DLG2: variants seen among roughly 807,000 people sequenced by gnomAD.
DLG2 encodes the protein disks large homolog 2.
In DLG2, 45 loss-of-function variants were observed where a neutral mutation model predicts 132.5. The observed-to-expected ratio is 0.34, with a 90% CI of 0.27 to 0.44. The LOEUF is 0.44. Among genes scored for constraint, DLG2 ranks in the 20% least tolerant of loss-of-function variants. The probability of loss-of-function intolerance (pLI) is 1.00; values close to 1 mark genes in which losing one functional copy is unlikely to be tolerated. For synonymous variants in DLG2, 424 were observed against 419.6 expected (o/e 1.01, Z -0.13); for missense variants, 1,045 against 1,196.9 (o/e 0.87, Z 1.87).
chr11:84,719,323 G>C (rs1419752350), intron 6 of DLG2, among the ~76,000 whole-genome samples: 1 of 152,184 alleles, frequency 6.6e-6, no homozygotes, highest in African/African-American at 2.4e-5. Flanking sequence ...TCAAACTTCA[G>C]TTATTTCAGA....
At chr11:85,389,006 C>T (rs1285909717) in intron 3 of DLG2, among the ~76,000 whole-genome samples, 4 of 152,036 alleles carry the variant, frequency 2.6e-5, no homozygotes, top group Non-Finnish European at 4.4e-5. Flanking sequence ...GATGAAGTTT[C>T]TGAATTGCCA....
intron 6 of DLG2, among the ~76,000 whole-genome samples, chr11:84,902,232 G>T (rs1287702049): frequency 6.6e-6 from 1 of 152,102 alleles, no homozygotes; most frequent in Non-Finnish European, 1.5e-5. Context: ...TTCCCAGATG[G>T]CAAATCCATG....
At chr11:84,452,956 G>T (rs1022647459) in intron 7 of DLG2, among the ~76,000 whole-genome samples, 1 of 151,342 alleles carries the variant, frequency 6.6e-6, no homozygotes, top group Admixed American at 6.6e-5. Context: ...AAAAAATACA[G>T]AAAAGATAAA....
chr11:83,482,693 A>G (rs1427619946), intron 22 of DLG2, among the ~76,000 whole-genome samples: 3 of 152,146 alleles, frequency 2.0e-5, no homozygotes, highest in African/African-American at 7.2e-5. Flanking sequence ...CAAAGTTAAT[A>G]ACAAATAAAT....
chr11:85,075,938 T>C (rs1319334987), intron 6 of DLG2, among the ~76,000 whole-genome samples: 4 of 151,896 alleles, frequency 2.6e-5, no homozygotes, highest in African/African-American at 7.2e-5. Flanking sequence ...ATAAAAATTA[T>C]ACAAGGGGGA....
chr11:83,687,656 C>T (rs2080057097), intron 18 of DLG2, among the ~76,000 whole-genome samples: 1 of 151,660 alleles, frequency 6.6e-6, no homozygotes, highest in Admixed American at 6.6e-5. Flanking sequence ...TTTTTAATGT[C>T]TTTCATTTTA....
intron 3 of DLG2, among the ~76,000 whole-genome samples, chr11:85,349,082 C>A (rs1764492940): frequency 6.6e-6 from 1 of 152,150 alleles, no homozygotes; most frequent in Admixed American, 6.5e-5. Flanking sequence ...GGTGGTTGGA[C>A]ATGCCTCTTT....
At chr11:85,362,891 A>G (rs975009699) in intron 3 of DLG2, among the ~76,000 whole-genome samples, 2 of 152,190 alleles carry the variant, frequency 1.3e-5, no homozygotes, top group African/African-American at 4.8e-5. Flanking sequence ...GCCTTTAATA[A>G]AAGCAAAATT....
At chr11:84,031,304 G>A (rs1036904906) in intron 11 of DLG2, among the ~76,000 whole-genome samples, 13 of 151,456 alleles carry the variant, frequency 8.6e-5, no homozygotes, top group Non-Finnish European at 1.9e-4. Context: ...TCCCTTCTCT[G>A]TTGTAGATTT....
chr11:84,047,480 T>A (rs999725129), intron 11 of DLG2, among the ~76,000 whole-genome samples: 48 of 151,748 alleles, frequency 3.2e-4, no homozygotes, highest in African/African-American at 1.1e-3. Context: ...TAGTTGTATT[T>A]ACCACAGCAG....
At chr11:83,489,011 A>G (rs906037429) in intron 21 of DLG2, among the ~76,000 whole-genome samples, 3 of 152,066 alleles carry the variant, frequency 2.0e-5, no homozygotes, top group African/African-American at 7.2e-5. Flanking sequence ...GTGTGTCTAT[A>G]ACATTGCCTA....
At chr11:85,165,692 A>G (rs1227943879) in intron 4 of DLG2, among the ~76,000 whole-genome samples, 2 of 152,172 alleles carry the variant, frequency 1.3e-5, no homozygotes, top group Non-Finnish European at 2.9e-5. Flanking sequence ...TTAATGATCA[A>G]ACTGGTTTTC....
intron 3 of DLG2, among the ~76,000 whole-genome samples, chr11:85,451,803 G>C (rs979339287): frequency 5.3e-5 from 8 of 152,098 alleles, no homozygotes; most frequent in African/African-American, 1.9e-4. Flanking sequence ...TCTTGCCTCA[G>C]CCTCCCAAAG....
chr11:85,293,147 C>T (rs927761717), intron 3 of DLG2, among the ~76,000 whole-genome samples: 1 of 151,922 alleles, frequency 6.6e-6, no homozygotes, highest in Non-Finnish European at 1.5e-5. Flanking sequence ...TTCCAGAATT[C>T]CAACTAATAA....
At chr11:85,345,258 A>G (rs1368924210) in intron 3 of DLG2, among the ~76,000 whole-genome samples, 4 of 152,240 alleles carry the variant, frequency 2.6e-5, no homozygotes, top group African/African-American at 9.6e-5. Context: ...AGTAATCAAT[A>G]GCTTTTGTGG....
intron 17 of DLG2, chr11:83,790,726 T>C (rs1210806430): frequency 3.9e-6 from 3 of 778,806 alleles, no homozygotes; most frequent in African/African-American, 1.7e-5. Context: ...AACCCATTCA[T>C]GGACTGATCC....
intron 2 of DLG2, among the ~76,000 whole-genome samples, chr11:85,624,165 T>C (rs771998361): frequency 1.3e-5 from 2 of 152,156 alleles, no homozygotes; most frequent in Admixed American, 6.5e-5. Context: ...GAAAGTAATG[T>C]CATAAAGCAA....
chr11:85,395,015 G>C (rs2087170929), intron 3 of DLG2, among the ~76,000 whole-genome samples: 1 of 152,126 alleles, frequency 6.6e-6, no homozygotes, highest in Admixed American at 6.6e-5. Flanking sequence ...AGATCTACCT[G>C]TCTTGCAAAT....
chr11:83,760,746 A>G (rs2093870653), intron 18 of DLG2, among the ~76,000 whole-genome samples: 1 of 152,122 alleles, frequency 6.6e-6, no homozygotes, highest in Non-Finnish European at 1.5e-5. Context: ...ATCAGTCACA[A>G]ATCCAGTCCC....
Sources: gnomAD v4.1 joint callset for allele counts (sites outside exome capture counted in the v4.1 genomes callset) on GRCh38, gnomAD v4.1.1 for gene constraint, MANE v1.5 for transcripts, NCBI Gene and HGNC (gene_info 2026-07-23, HGNC 2026-07-21) for gene names.